ZNF331: variants seen among roughly 807,000 people sequenced by gnomAD.
ZNF331 encodes the protein C2H2-like zinc finger protein rearranged in thyroid adenomas.
A neutral mutation model predicts 7.0 loss-of-function variants in ZNF331; 2 were observed. That is an observed-to-expected ratio of 0.29 (90% CI 0.12 to 0.90). The LOEUF (loss-of-function observed/expected upper bound fraction) is 0.90, where lower values mean the gene tolerates loss of function less well. ZNF331 is among the 40% of genes least tolerant of loss of function. The pLI is 0.58. For synonymous variants in ZNF331, 196 were observed against 205.4 expected, an observed-to-expected ratio of 0.95 and a Z score of 0.39; for missense variants, 432 against 587.7, an observed-to-expected ratio of 0.74 and a Z score of 2.74.
At chr19:53,538,059 TCTG>T (rs1229600889), upstream of ZNF331, 3 of 152,312 alleles carry the variant, frequency 2.0e-5, no homozygotes, top group Non-Finnish European at 4.4e-5. Context: ...CGTGTCGGGC[TCTG>T]CTGCTGTCTG....
At position 53,573,263 on chromosome 19, in the gene ZNF331, G is replaced by T. The variant is rs1025858165; in HGVS notation, c.136+1533G>T. Among the ~76,000 whole-genome samples, 12 of 151,842 alleles carry T rather than the reference G, an allele frequency of 7.9e-5. No individual in the cohort carries two copies. Among genetic ancestry groups the T allele is most frequent in the African/African-American group, 2.9e-4 (12 of 41,336 alleles). On this transcript the variant is annotated intron_variant, in intron 5 of 5. Coordinates refer to ENST00000449416, the MANE Select transcript of ZNF331 (RefSeq NM_001079906.2). This position sits in a 1 kb window ranked among gnomAD's most constrained non-coding sequence, Gnocchi z 4.2. ...GCCGGGTGCGGTGGCTCACTCCTGT[G>T]ATCACAAGACTGGCAGGCCAAGGCA...
chr19:53,577,347 A>C lies in ZNF331; in HGVS notation c.787A>C (p.Arg263=), dbSNP rs766576941. ...TGTGTATAAACTTATTCAGCACAAG[A>C]GAATTCATAGTGGGGAGAAGCCTTA... ...SRVYKLIQHK[R]IHSGEKPYEC... is the part of the protein sequence containing the mutation. Residue 263 remains arginine, a synonymous_variant, in exon 6 of 6, where the codon AGA becomes CGA. Transcript: ENST00000449416. The C allele has an allele frequency of 3.7e-6, 6 of 1,613,682 alleles. No individual in the cohort carries two copies. The highest frequency in any genetic ancestry group is 4.2e-6 in the Non-Finnish European group (5 of 1,179,968).
At chr19:53,566,208 C>G (rs2090146839) in intron 3 of ZNF331, among the ~76,000 whole-genome samples, 1 of 152,068 alleles carries the variant, frequency 6.6e-6, no homozygotes, top group African/African-American at 2.4e-5. Flanking sequence ...ATGTGCCTGG[C>G]TCATCCAGCA....
At chr19:53,550,661 C>T (rs528154492) in intron 2 of ZNF331, among the ~76,000 whole-genome samples, 87 of 150,074 alleles carry the variant, frequency 5.8e-4, no homozygotes, top group African/African-American at 2.0e-3. Flanking sequence ...CTCAGCCTCC[C>T]GAGTACCTGG....
chr19:53,549,875 T>G (rs1244902929), intron 2 of ZNF331, among the ~76,000 whole-genome samples: 1 of 152,140 alleles, frequency 6.6e-6, no homozygotes, highest in Non-Finnish European at 1.5e-5. Flanking sequence ...ATATAAGTAT[T>G]TACTGCTATA....
rs540024045 is a variant in ZNF331 at position 53,558,535 on chromosome 19, A to T, written c.-74+2627A>T. Among the ~76,000 whole-genome samples, 45 of 152,190 alleles carry T rather than the reference A, an allele frequency of 3.0e-4. No individual in the cohort carries two copies. Among genetic ancestry groups the T allele is most frequent in the African/African-American group, 1.1e-3 (45 of 41,496 alleles). ...GACAAATAAGAGTTGATTTAATGCTAATTGATTGAGTGGGGAAACTCAAGG... is the reference window on the plus strand; with the variant it reads ...GACAAATAAGAGTTGATTTAATGCTTATTGATTGAGTGGGGAAACTCAAGG... On this transcript the variant is annotated intron_variant, in intron 3 of 5. Transcript: ENST00000449416. The surrounding 1 kb of genome is among the most constrained non-coding windows in gnomAD (Gnocchi z 4.5).
At chr19:53,545,561 C>T (rs1351260333) in intron 2 of ZNF331, among the ~76,000 whole-genome samples, 1 of 152,186 alleles carries the variant, frequency 6.6e-6, no homozygotes, top group East Asian at 1.9e-4. Context: ...GACACAGCGC[C>T]AGTCACATCC....
intron 3 of ZNF331, among the ~76,000 whole-genome samples, chr19:53,559,699 C>T (rs954844832): frequency 6.7e-6 from 1 of 148,724 alleles, no homozygotes; most frequent in East Asian, 2.0e-4. Flanking sequence ...TATACACACC[C>T]CATATATACA....
chr19:53,526,841 C>T (rs1336060700), intron 2 of ZNF331, among the ~76,000 whole-genome samples: 3 of 151,750 alleles, frequency 2.0e-5, no homozygotes, highest in Non-Finnish European at 2.9e-5. Context: ...CGTGAGCCAC[C>T]GCGCCTGGCC....
chr19:53,520,510 A>G (rs1273962663), upstream of ZNF331, among the ~76,000 whole-genome samples: 1 of 152,216 alleles, frequency 6.6e-6, no homozygotes, highest in Non-Finnish European at 1.5e-5. Flanking sequence ...TCAGGGCAGG[A>G]GAAGGCCGAC....
the ZNF331 span, among the ~76,000 whole-genome samples, chr19:53,508,131 G>A: frequency 6.6e-6 from 1 of 152,274 alleles, no homozygotes; most frequent in South Asian, 2.1e-4. Context: ...TGAAGCACCT[G>A]ACCAAAATCA....
At chr19:53,520,498 T>C (rs1474333715), upstream of ZNF331, among the ~76,000 whole-genome samples, 1 of 152,134 alleles carries the variant, frequency 6.6e-6, no homozygotes, top group African/African-American at 2.4e-5. Context: ...GCAAGCAAAG[T>C]TTCAGGGCAG....
At chr19:53,544,354 G>A (rs1336769412) in intron 2 of ZNF331, among the ~76,000 whole-genome samples, 4 of 151,126 alleles carry the variant, frequency 2.6e-5, no homozygotes, top group South Asian at 2.1e-4. Flanking sequence ...GACCATCCTG[G>A]CTAACACGGT....
In ZNF331 at chr19:53,571,124, G is replaced by T. The variant is rs1052176220; in HGVS notation, c.10-480G>T. On this transcript the variant is annotated intron_variant, in intron 4 of 5. Transcript: ENST00000449416. This position sits in a 1 kb window ranked among gnomAD's most constrained non-coding sequence, Gnocchi z 4.7. ...TCCGCCTGCCTTGTTCTCGTGATCC[G>T]CCTGCCTTGGCCTCCCAAAGTGTTG... is the stretch of plus-strand genomic sequence containing the variant. Among the ~76,000 whole-genome samples the T allele has an allele frequency of 6.6e-6, 1 of 152,028 alleles. No homozygotes were observed. Among genetic ancestry groups the T allele is most frequent in the Non-Finnish European group, 1.5e-5 (1 of 67,990 alleles).
At chr19:53,565,460 G>A (rs1383870890) in intron 3 of ZNF331, among the ~76,000 whole-genome samples, 5 of 152,090 alleles carry the variant, frequency 3.3e-5, no homozygotes, top group East Asian at 3.9e-4. Context: ...CCCACAAAGC[G>A]CAGTGTTGGC....
At chr19:53,542,972 G>C (rs4801991) in intron 2 of ZNF331, among the ~76,000 whole-genome samples, 27,258 of 152,142 alleles carry the variant, frequency 0.18, 3,031 homozygotes, top group Non-Finnish European at 0.24. Flanking sequence ...ACCACGCCCA[G>C]CTAATTTTGT....
chr19:53,508,872 A>C, the ZNF331 span, among the ~76,000 whole-genome samples: 1 of 152,190 alleles, frequency 6.6e-6, no homozygotes, highest in Non-Finnish European at 1.5e-5. Flanking sequence ...CATGAGAATA[A>C]AGATGAAATT....
At chr19:53,530,115 C>T (rs752082586) in intron 2 of ZNF331, among the ~76,000 whole-genome samples, 34 of 152,134 alleles carry the variant, frequency 2.2e-4, no homozygotes, top group Non-Finnish European at 7.4e-5. Flanking sequence ...GAAGTGGGAG[C>T]AGGCACGTCA....
chr19:53,567,378 G>A (rs1203193172), intron 3 of ZNF331, among the ~76,000 whole-genome samples: 3 of 152,098 alleles, frequency 2.0e-5, no homozygotes, highest in African/African-American at 7.2e-5. Context: ...GCCAGGGTAG[G>A]CTCAGAATGA....
Sources: gnomAD v4.1 joint callset for allele counts (sites outside exome capture counted in the v4.1 genomes callset) on GRCh38, gnomAD v4.1.1 for gene constraint, Gnocchi (gnomAD v3.1) non-coding constraint, MANE v1.5 for transcripts, NCBI Gene and HGNC (gene_info 2026-07-23, HGNC 2026-07-21) for gene names.